Variants in FOXP1 observed in about 807,000 individuals in gnomAD.
FOXP1 encodes forkhead box protein P1.
In FOXP1, 15 loss-of-function variants were observed where a neutral mutation model predicts 98.2. That is an observed-to-expected ratio of 0.15 (90% confidence interval 0.10 to 0.24). The LOEUF is 0.24. Among genes scored for constraint, FOXP1 ranks in the 10% least tolerant of loss-of-function variants. The pLI is 1.00. For missense variants in FOXP1, 633 were observed against 848.5 expected, an observed-to-expected ratio of 0.75 and a Z score of 3.15; for synonymous variants, 371 against 314.5, an observed-to-expected ratio of 1.18 and a Z score of -1.90.
chr3:71,131,251 A>G (rs2059552990), intron 6 of FOXP1, among the ~76,000 whole-genome samples: 1 of 152,034 alleles, frequency 6.6e-6, no homozygotes, highest in Non-Finnish European at 1.5e-5. Context: ...GCCTAATGGA[A>G]CACTCCTTAA....
intron 6 of FOXP1, among the ~76,000 whole-genome samples, chr3:71,153,972 A>G (rs1484166089): frequency 6.6e-6 from 1 of 152,164 alleles, no homozygotes; most frequent in African/African-American, 2.4e-5. Context: ...TGTACAATTG[A>G]CACAAGGCCC....
chr3:70,997,679 C>T (rs1344821267), intron 13 of FOXP1, among the ~76,000 whole-genome samples: 1 of 152,206 alleles, frequency 6.6e-6, no homozygotes, highest in Non-Finnish European at 1.5e-5. Flanking sequence ...TTAATGTCAG[C>T]TAGCACTGCC....
chr3:71,353,235 C>T (rs952235309), intron 4 of FOXP1, among the ~76,000 whole-genome samples: 2 of 152,172 alleles, frequency 1.3e-5, no homozygotes, highest in African/African-American at 4.8e-5. Flanking sequence ...CTAATCTTCC[C>T]CGCTGCTCCT....
intron 3 of FOXP1, among the ~76,000 whole-genome samples, chr3:71,440,695 C>CA (rs537681767): frequency 0.12 from 11,957 of 95,932 alleles, 850 homozygotes; most frequent in African/African-American, 0.26. Flanking sequence ...GACTCTGTCT[C>CA]AAAAAAAAAA....
At chr3:71,515,492 G>T (rs1183163155) in intron 2 of FOXP1, among the ~76,000 whole-genome samples, 2 of 148,774 alleles carry the variant, frequency 1.3e-5, no homozygotes, top group Non-Finnish European at 3.0e-5. Context: ...CAAGTCATTG[G>T]AATCACGCTT....
chr3:71,295,088 A>G (rs2073149858), intron 5 of FOXP1, among the ~76,000 whole-genome samples: 1 of 152,146 alleles, frequency 6.6e-6, no homozygotes, highest in African/African-American at 2.4e-5. Flanking sequence ...CCCAGGCATG[A>G]GTGTACTGTA....
At chr3:71,367,682 C>A (rs1475341580) in intron 3 of FOXP1, among the ~76,000 whole-genome samples, 1 of 152,158 alleles carries the variant, frequency 6.6e-6, no homozygotes, top group Non-Finnish European at 1.5e-5. Context: ...TTTTCCTCCA[C>A]CGAATATATC....
chr3:71,431,195 G>C (rs952587772), intron 3 of FOXP1, among the ~76,000 whole-genome samples: 2 of 152,102 alleles, frequency 1.3e-5, no homozygotes, highest in African/African-American at 4.8e-5. Flanking sequence ...CTCTTGAGGA[G>C]TATCACAAAT....
intron 3 of FOXP1, among the ~76,000 whole-genome samples, chr3:71,373,782 GGTGGAAA>G (rs1487981250): frequency 2.6e-5 from 4 of 152,126 alleles, no homozygotes; most frequent in Non-Finnish European, 4.4e-5. Context: ...ACGCATCTTA[GGTGGAAA>G]GACACAAAGA....
intron 5 of FOXP1, among the ~76,000 whole-genome samples, chr3:71,268,090 C>CAT (rs1553808991): frequency 1.0e-5 from 1 of 100,382 alleles, no homozygotes; most frequent in Non-Finnish European, 2.0e-5. Context: ...CTTTTCTTTT[C>CAT]TTTTTTTTTT....
intron 3 of FOXP1, among the ~76,000 whole-genome samples, chr3:71,370,798 GT>G (rs71621937): frequency 0.019 from 2,429 of 128,350 alleles, 66 homozygotes; most frequent in African/African-American, 0.064. Context: ...TTTTTTTGTT[GT>G]TTTTTTTTTT....
At chr3:71,343,759 C>T (rs1207025657) in intron 4 of FOXP1, among the ~76,000 whole-genome samples, 1 of 151,980 alleles carries the variant, frequency 6.6e-6, no homozygotes, top group African/African-American at 2.4e-5. Context: ...GAACTCCTGA[C>T]CTTAAGTGAT....
intron 2 of FOXP1, among the ~76,000 whole-genome samples, chr3:71,551,733 A>G (rs1019329992): frequency 2.6e-5 from 4 of 152,222 alleles, no homozygotes; most frequent in Non-Finnish European, 5.9e-5. Flanking sequence ...GGGAGTGGTT[A>G]TAACTGTGAT....
intron 6 of FOXP1, among the ~76,000 whole-genome samples, chr3:71,182,549 CTT>C (rs369563965): frequency 5.3e-5 from 6 of 112,914 alleles, no homozygotes; most frequent in African/African-American, 1.1e-4. Context: ...TGTATATATT[CTT>C]TTTTTTTTTT....
intron 4 of FOXP1, among the ~76,000 whole-genome samples, chr3:71,345,325 T>C (rs2077259093): frequency 6.6e-6 from 1 of 150,868 alleles, no homozygotes; most frequent in South Asian, 2.1e-4. Flanking sequence ...AAGGCAGAGG[T>C]TGCAGTGAGC....
chr3:71,481,053 G>C (rs968864069), intron 3 of FOXP1, among the ~76,000 whole-genome samples: 1 of 152,078 alleles, frequency 6.6e-6, no homozygotes, highest in Non-Finnish European at 1.5e-5. Flanking sequence ...ACAATACATT[G>C]ATAGATACAC....
intron 3 of FOXP1, among the ~76,000 whole-genome samples, chr3:71,396,822 TG>T (rs1251012699): frequency 1.8e-4 from 27 of 148,288 alleles, no homozygotes; most frequent in African/African-American, 6.3e-4. Flanking sequence ...TGATTCTAAG[TG>T]TTTTATTTCT....
rs1226134373 is a variant in FOXP1, at chr3:70,959,323, G to A, written c.1958C>T (p.Thr653Ile). 2 of 1,613,606 alleles carry A rather than the reference G, an allele frequency of 1.2e-6. No individual in the cohort carries two copies. The highest frequency in any genetic ancestry group is 1.7e-6 in the Non-Finnish European group (2 of 1,179,980). ...EEAEGPLSLV[T>I]TANHSPDFDH... ...AAAATCTGGACTGTGGTTGGCTGTT[G>A]TCACTAAGGACAGGGGCCCTTCAGC... The change falls in exon 21 of 21, where the codon ACA (threonine) becomes ATA (isoleucine). Residue 653 changes from threonine (T) to isoleucine (I), a missense_variant. Coordinates refer to ENST00000649528, the MANE Select transcript of FOXP1 (RefSeq NM_001349338.3).
intron 5 of FOXP1, among the ~76,000 whole-genome samples, chr3:71,270,097 C>T (rs983389816): frequency 2.0e-5 from 3 of 152,134 alleles, no homozygotes; most frequent in African/African-American, 7.2e-5. Context: ...AAAAATACAG[C>T]GAAGAAACTG....
Sources: allele counts gnomAD v4.1 joint callset (sites outside exome capture counted in the v4.1 genomes callset), GRCh38; gene constraint gnomAD v4.1.1; transcripts MANE v1.5; gene names NCBI Gene and HGNC (gene_info 2026-07-23, HGNC 2026-07-21).